The following TJP1 variants were observed in gnomAD, a reference collection of about 807,000 sequenced individuals.
TJP1 encodes the protein tight junction protein ZO-1.
In TJP1, 43 loss-of-function variants were observed where a neutral mutation model predicts 194.2. That is an observed-to-expected ratio of 0.22 (90% CI 0.17 to 0.29). TJP1 has a LOEUF of 0.29. Ranked by LOEUF, TJP1 falls within the 10% of genes least tolerant of loss-of-function variation. The probability of loss-of-function intolerance (pLI) is 1.00; values close to 1 mark genes in which losing one functional copy is unlikely to be tolerated. For synonymous variants in TJP1, 801 were observed against 779.0 expected, an observed-to-expected ratio of 1.03 and a Z score of -0.47; for missense variants, 1,971 against 2,185.7, an observed-to-expected ratio of 0.90 and a Z score of 1.96.
intron 2 of TJP1, among the ~76,000 whole-genome samples, chr15:29,785,869 A>G (rs915372908): frequency 6.6e-6 from 1 of 152,210 alleles, no homozygotes; most frequent in African/African-American, 2.4e-5. Flanking sequence ...AGCTGAAGTC[A>G]GCAGGCCTGG....
chr15:29,925,000 G>A (rs1480064020), intron 2 of TJP1, among the ~76,000 whole-genome samples: 1 of 152,214 alleles, frequency 6.6e-6, no homozygotes, highest in Non-Finnish European at 1.5e-5. Context: ...CTAATCCCAT[G>A]GGAATGGTGG....
In TJP1 at chr15:29,945,549, C is replaced by T. The variant is rs932432506; in HGVS notation, c.306+10683G>A. ...AGCCACATGGAGGCCCATGGCAGCA[C>T]GAAACCCAATGCCCAGGATACTGGG... On this transcript the variant is annotated intron_variant, in intron 2 of 28. Transcript: ENST00000356107. 2.6e-5 allele frequency among the ~76,000 whole-genome samples: 4 copies of T among 152,116 alleles called. 1 individual carries two copies. In the South Asian group the frequency reaches 6.2e-4, roughly 24 times the overall value.
At position 29,762,509 on chromosome 15, in the gene TJP1, A is replaced by T. The variant is rs565278170; in HGVS notation, c.590-71T>A. On this transcript the variant is annotated intron_variant, in intron 5 of 27. Coordinates refer to ENST00000614355, the MANE Select transcript of TJP1 (RefSeq NM_001330239.4). ...CCTAAATAGATTTTACAAGTATACA[A>T]CTAAACTAATTAACTACTGCATAGA... 6 of 1,103,302 alleles carry T rather than the reference A, an allele frequency of 5.4e-6. No individual in the cohort carries two copies. The African/African-American group carries it at 9.4e-5, about 17-fold the overall frequency. The allele number at this position is 1,103,302 out of a possible 1,614,324, so 68.3% of individuals were successfully genotyped here. A position where few individuals can be genotyped will look rare whatever the true frequency, so the allele number is the denominator to read the frequency against.
At chr15:29,760,012 T>C (rs45566132) in intron 8 of TJP1, 291 of 510,784 alleles carry the variant, frequency 5.7e-4, no homozygotes, top group Non-Finnish European at 9.1e-4. Flanking sequence ...TGCTAGTTCG[T>C]TCTGGTTTTA....
chr15:29,822,147 C>G lies in TJP1; in HGVS notation c.-119G>C, dbSNP rs2050430779. 3 of 1,178,240 alleles carry G rather than the reference C, an allele frequency of 2.5e-6. No homozygotes were observed. Among genetic ancestry groups the G allele is most frequent in the South Asian group, 4.3e-5 (1 of 23,484 alleles). The allele number at this position is 1,178,240 out of a possible 1,614,324, so 73.0% of individuals were successfully genotyped here. ...CTCCCGAGAGCGAGCGGGGCACGGG[C>G]GGGGGCGGCCGGAAGGGCCCGGCCC... On this transcript the variant is annotated 5_prime_UTR_variant, in exon 1 of 28. Transcript: ENST00000614355.
chr15:29,714,261 A>AC (rs2042413902), intron 23 of TJP1, among the ~76,000 whole-genome samples: 1 of 151,110 alleles, frequency 6.6e-6, no homozygotes, highest in South Asian at 2.1e-4. Flanking sequence ...TTTTTTTGAG[A>AC]TGAGTCTGGC....
intron 8 of TJP1, among the ~76,000 whole-genome samples, chr15:29,745,399 G>A (rs929925478): frequency 3.3e-4 from 50 of 150,666 alleles, no homozygotes; most frequent in African/African-American, 1.0e-3. Context: ...TGTCAATATC[G>A]TCAACAATCA....
intron 2 of TJP1, among the ~76,000 whole-genome samples, chr15:29,944,544 T>C (rs1434825228): frequency 6.6e-6 from 1 of 152,216 alleles, no homozygotes; most frequent in East Asian, 1.9e-4. Flanking sequence ...ACTGGCAACA[T>C]CTTATTGACA....
At chr15:29,913,078 A>G (rs2152230070) in intron 2 of TJP1, among the ~76,000 whole-genome samples, 1 of 152,272 alleles carries the variant, frequency 6.6e-6, no homozygotes, top group Admixed American at 6.5e-5. Context: ...CAAGAAGGTA[A>G]ATATCCTAGA....
chr15:29,822,886 C>A (rs2050515995), upstream of TJP1: 1 of 152,296 alleles, frequency 6.6e-6, no homozygotes, highest in African/African-American at 2.4e-5. Context: ...ATGGTCACGG[C>A]TGTCACCGCG....
chr15:29,790,981 C>T (rs552738298), intron 2 of TJP1, among the ~76,000 whole-genome samples: 7 of 152,182 alleles, frequency 4.6e-5, no homozygotes, highest in South Asian at 2.1e-4. Context: ...TTGGCTATCA[C>T]GAATAATGCT....
chr15:29,730,773 C>T lies in TJP1; in HGVS notation c.2017+1660G>A, dbSNP rs1412639688. On this transcript the variant is annotated intron_variant, in intron 15 of 27. Transcript: ENST00000614355. Reference sequence around the variant, plus strand: ...AGATAAAGCCAAGGTGAAGGACGAACCACAGAGAAGATCCGCGAGGTTGTC... The same window carrying T: ...AGATAAAGCCAAGGTGAAGGACGAATCACAGAGAAGATCCGCGAGGTTGTC... 10 of 771,000 alleles carry T rather than the reference C, an allele frequency of 1.3e-5. No homozygotes were observed. The East Asian group carries it at 2.2e-4, about 17-fold the overall frequency. 47.8% of individuals were successfully genotyped at this position (771,000 alleles called of 1,614,324 possible).
intron 2 of TJP1, among the ~76,000 whole-genome samples, chr15:29,897,066 T>C (rs1263428005): frequency 1.3e-5 from 2 of 152,020 alleles, no homozygotes; most frequent in African/African-American, 4.8e-5. Flanking sequence ...CCCAAGACAA[T>C]GGGGAAAATG....
chr15:29,761,587 A>C lies in TJP1; in HGVS notation c.862+14T>G. 4 of 1,579,302 alleles carry C rather than the reference A, an allele frequency of 2.5e-6. No homozygotes were observed. The highest frequency in any genetic ancestry group is 3.4e-6 in the Non-Finnish European group (4 of 1,159,626). On this transcript the variant is annotated intron_variant, in intron 7 of 27. Coordinates refer to ENST00000614355, the MANE Select transcript of TJP1 (RefSeq NM_001330239.4). Reference sequence around the variant, plus strand: ...GGTCACTTAGAGGGAACGTTCAAACAGAATCACACTCACCGTCTCTCTCAG... The same window carrying C: ...GGTCACTTAGAGGGAACGTTCAAACCGAATCACACTCACCGTCTCTCTCAG...
chr15:29,894,321 T>C (rs773999334), intron 2 of TJP1, among the ~76,000 whole-genome samples: 1 of 152,112 alleles, frequency 6.6e-6, no homozygotes, highest in Non-Finnish European at 1.5e-5. Context: ...TGGCTGGATG[T>C]GGTGGCACAT....
intron 2 of TJP1, among the ~76,000 whole-genome samples, chr15:29,792,240 T>C (rs1010045966): frequency 1.3e-5 from 2 of 152,190 alleles, no homozygotes; most frequent in African/African-American, 4.8e-5. Flanking sequence ...AGTAGTCTCA[T>C]AACTTCAGGT....
At chr15:29,895,247 GTTC>G (rs1262266459) in intron 2 of TJP1, among the ~76,000 whole-genome samples, 1 of 152,142 alleles carries the variant, frequency 6.6e-6, no homozygotes, top group East Asian at 1.9e-4. Context: ...AAATATTTAA[GTTC>G]TTCTTCCCTC....
At chr15:29,884,658 T>C (rs2053054154) in intron 2 of TJP1, among the ~76,000 whole-genome samples, 2 of 152,238 alleles carry the variant, frequency 1.3e-5, no homozygotes, top group South Asian at 2.1e-4. Flanking sequence ...GCCTTTCTTA[T>C]CCATTCTTTT....
intron 10 of TJP1, among the ~76,000 whole-genome samples, chr15:29,738,201 C>T (rs748489321): frequency 3.3e-5 from 5 of 152,020 alleles, no homozygotes; most frequent in African/African-American, 1.2e-4. Context: ...TAAAAATTAC[C>T]CACTATATTT....
Sources: gnomAD v4.1 joint callset for allele counts (sites outside exome capture counted in the v4.1 genomes callset) on GRCh38, gnomAD v4.1.1 for gene constraint, MANE v1.5 for transcripts, NCBI Gene and HGNC (gene_info 2026-07-23, HGNC 2026-07-21) for gene names.